The following ERC2 variants were observed in gnomAD, a reference collection of about 807,000 sequenced individuals.
ERC2 encodes the protein ELKS/RAB6-interacting/CAST family member 2, also known as ERC protein 2.
A neutral mutation model predicts 114.8 loss-of-function variants in ERC2; 42 were observed. The ratio of observed to expected loss-of-function variants is 0.37; its 90% CI spans 0.29 to 0.47. The LOEUF (loss-of-function observed/expected upper bound fraction) is 0.47. ERC2 is among the 20% of genes least tolerant of loss of function. The probability of loss-of-function intolerance (pLI) is 0.99; values close to 1 mark genes in which losing one functional copy is unlikely to be tolerated. For synonymous variants in ERC2, 454 were observed against 425.5 expected (o/e 1.07, Z -0.82); for missense variants, 939 against 1,150.7 (o/e 0.82, Z 2.66).
chr3:55,888,595 G>C, intron 13 of ERC2, 46 bp from the exon 14 acceptor site: 1 of 1,603,960 alleles, frequency 6.2e-7, no homozygotes, highest in Non-Finnish European at 8.5e-7. Flanking sequence ...CTTCATTCAA[G>C]CACAAGACAT....
At chr3:56,425,055 T>C (rs2061514425) in intron 2 of ERC2, among the ~76,000 whole-genome samples, 1 of 152,144 alleles carries the variant, frequency 6.6e-6, no homozygotes, top group Admixed American at 6.5e-5. Flanking sequence ...ACAGCTCAAG[T>C]CAAGGCAATT....
chr3:55,764,504 T>C (rs1293512976), intron 14 of ERC2, among the ~76,000 whole-genome samples: 1 of 152,234 alleles, frequency 6.6e-6, no homozygotes, highest in African/African-American at 2.4e-5. Context: ...CAGTTAGGTG[T>C]TGGCTGAATG....
At chr3:56,407,339 A>T (rs1231121859) in intron 2 of ERC2, among the ~76,000 whole-genome samples, 1 of 152,208 alleles carries the variant, frequency 6.6e-6, no homozygotes, top group Non-Finnish European at 1.5e-5. Flanking sequence ...GTCCAAGTCC[A>T]CTTCCTTCTC....
At chr3:56,139,802 AT>A in intron 5 of ERC2, 126 bp from the exon 6 acceptor site, 1 of 1,069,386 alleles carries the variant, frequency 9.4e-7, no homozygotes, top group Non-Finnish European at 1.3e-6. Context: ...CAGGCCACGA[AT>A]TTGCTTAAAA....
chr3:56,162,881 T>C (rs1314903564), intron 4 of ERC2, among the ~76,000 whole-genome samples: 1 of 151,716 alleles, frequency 6.6e-6, no homozygotes, highest in Non-Finnish European at 1.5e-5. Flanking sequence ...TTCTGCTCTG[T>C]TTTTTTTATT....
chr3:55,962,774 G>A (rs1159024827), intron 12 of ERC2, among the ~76,000 whole-genome samples: 4 of 152,208 alleles, frequency 2.6e-5, no homozygotes, highest in Non-Finnish European at 2.9e-5. Context: ...TGGCTCCAGA[G>A]ACTATCTCCA....
At chr3:56,005,280 C>T (rs890660111) in intron 10 of ERC2, among the ~76,000 whole-genome samples, 3 of 151,834 alleles carry the variant, frequency 2.0e-5, no homozygotes, top group Admixed American at 2.0e-4. Context: ...ATTCTAGTGA[C>T]GTGGTAGAAT....
intron 15 of ERC2, among the ~76,000 whole-genome samples, chr3:55,707,989 G>T (rs568304527): frequency 1.3e-5 from 2 of 152,290 alleles, no homozygotes; most frequent in South Asian, 4.1e-4. Context: ...TTTGTAACCA[G>T]TGCATCCCAC....
chr3:55,656,710 T>A (rs2060883996), intron 17 of ERC2, among the ~76,000 whole-genome samples: 1 of 152,190 alleles, frequency 6.6e-6, no homozygotes, highest in African/African-American at 2.4e-5. Context: ...TTGTAGGAAG[T>A]CACAGGGGAA....
intron 14 of ERC2, among the ~76,000 whole-genome samples, chr3:55,849,035 G>T (rs1400029040): frequency 6.6e-6 from 1 of 152,126 alleles, no homozygotes; most frequent in Non-Finnish European, 1.5e-5. Context: ...GACAGTGCCT[G>T]CCATCTGCCA....
intron 3 of ERC2, among the ~76,000 whole-genome samples, chr3:56,243,981 T>A (rs1248187991): frequency 6.6e-6 from 1 of 152,170 alleles, no homozygotes; most frequent in African/African-American, 2.4e-5. Context: ...GGGATCCAAC[T>A]GTGAAACGCC....
chr3:55,610,504 AAAAC>A (rs1237627069), intron 17 of ERC2: 13 of 73,858 alleles, frequency 1.8e-4, no homozygotes, highest in African/African-American at 5.2e-4. Flanking sequence ...TCTCTACGGA[AAAAC>A]ACACACACAC....
chr3:55,586,920 T>C (rs892137564), intron 17 of ERC2, among the ~76,000 whole-genome samples: 1 of 152,212 alleles, frequency 6.6e-6, no homozygotes, highest in African/African-American at 2.4e-5. Flanking sequence ...AAAAGAAATA[T>C]AATTGAAATC....
chr3:56,030,899 G>A (rs768579305), intron 7 of ERC2, among the ~76,000 whole-genome samples: 9 of 152,154 alleles, frequency 5.9e-5, no homozygotes, highest in Non-Finnish European at 1.3e-4. Flanking sequence ...TGCAGCATGG[G>A]GAGAGAGATA....
At chr3:55,588,554 C>T (rs1253279755) in intron 17 of ERC2, among the ~76,000 whole-genome samples, 1 of 152,160 alleles carries the variant, frequency 6.6e-6, no homozygotes, top group African/African-American at 2.4e-5. Flanking sequence ...CAGAAAAACC[C>T]TCTCACCTGT....
chr3:56,392,798 C>T (rs959642206), intron 2 of ERC2, among the ~76,000 whole-genome samples: 5 of 152,074 alleles, frequency 3.3e-5, no homozygotes, highest in African/African-American at 1.2e-4. Context: ...AAACAAGGAC[C>T]TCATAGTTCT....
intron 7 of ERC2, among the ~76,000 whole-genome samples, chr3:56,047,226 T>A (rs1214595660): frequency 6.6e-6 from 1 of 152,240 alleles, no homozygotes; most frequent in Non-Finnish European, 1.5e-5. Context: ...AATTTTGGAA[T>A]CTCACAGATC....
chr3:56,037,568 T>G (rs1228182542), intron 7 of ERC2, among the ~76,000 whole-genome samples: 1 of 152,094 alleles, frequency 6.6e-6, no homozygotes. Context: ...AGACCAAACT[T>G]ATGACTGATT....
intron 4 of ERC2, 38 bp downstream of exon 4, chr3:56,173,408 A>G (rs1188731038): frequency 8.2e-6 from 13 of 1,589,648 alleles, no homozygotes; most frequent in Non-Finnish European, 1.0e-5. Flanking sequence ...CAAACTCCCA[A>G]GGCATAACTG....
Sources: allele counts gnomAD v4.1 joint callset (sites outside exome capture counted in the v4.1 genomes callset), GRCh38; gene constraint gnomAD v4.1.1; transcripts MANE v1.5; gene names NCBI Gene and HGNC (gene_info 2026-07-23, HGNC 2026-07-21).